The following SUGCT variants were observed in gnomAD, a reference collection of about 807,000 sequenced individuals.
The protein encoded by SUGCT is succinyl-CoA:glutarate CoA-transferase.
Under a neutral mutation model 55.0 loss-of-function variants are expected in SUGCT, and 41 were observed. The observed-to-expected ratio is 0.74, with a 90% CI of 0.58 to 0.97. The LOEUF is 0.97. SUGCT is among the 50% of genes least tolerant of loss of function. SUGCT has a pLI of 0.00. For synonymous variants in SUGCT, 187 were observed against 200.4 expected, an observed-to-expected ratio of 0.93 and a Z score of 0.56; for missense variants, 568 against 547.8, an observed-to-expected ratio of 1.04 and a Z score of -0.37.
At chr7:40,757,843 G>A (rs766948857) in intron 13 of SUGCT, among the ~76,000 whole-genome samples, 7 of 152,156 alleles carry the variant, frequency 4.6e-5, no homozygotes, top group Non-Finnish European at 1.0e-4. Flanking sequence ...ATCAGTTCTT[G>A]ATTGCGTTCC....
chr7:40,625,342 T>C (rs1799476934), intron 12 of SUGCT, among the ~76,000 whole-genome samples: 1 of 152,152 alleles, frequency 6.6e-6, no homozygotes, highest in South Asian at 2.1e-4. Context: ...TGAAGGTTTA[T>C]ATCCCAGCAA....
chr7:40,194,860 A>C, intron 5 of SUGCT, 80 bp from the exon 6 acceptor site: 2 of 1,464,148 alleles, frequency 1.4e-6, no homozygotes, highest in Non-Finnish European at 1.8e-6. Flanking sequence ...CAAAGGGAGA[A>C]TCAATTGTGT....
intron 13 of SUGCT, among the ~76,000 whole-genome samples, chr7:40,824,658 T>C (rs531465466): frequency 6.6e-6 from 1 of 152,234 alleles, no homozygotes; most frequent in Non-Finnish European, 1.5e-5. Flanking sequence ...GAGTAATATA[T>C]AATAAACAGA....
chr7:41,022,870 C>CATAAAT, the SUGCT span, among the ~76,000 whole-genome samples: 1 of 152,102 alleles, frequency 6.6e-6, no homozygotes, highest in Admixed American at 6.5e-5. Flanking sequence ...CAGTATTTGT[C>CATAAAT]ATAAATATAA....
chr7:40,767,677 G>A (rs1029074204), intron 13 of SUGCT, among the ~76,000 whole-genome samples: 1 of 152,196 alleles, frequency 6.6e-6, no homozygotes, highest in Non-Finnish European at 1.5e-5. Context: ...AAGGTGCCCT[G>A]ATAGGCAGTG....
intron 12 of SUGCT, among the ~76,000 whole-genome samples, chr7:40,680,789 A>G (rs1362596447): frequency 2.0e-5 from 3 of 152,194 alleles, no homozygotes; most frequent in Non-Finnish European, 2.9e-5. Context: ...TGTGTGGCCA[A>G]TGTAGTCATG....
chr7:40,999,059 A>G, the SUGCT span, among the ~76,000 whole-genome samples: 3 of 152,218 alleles, frequency 2.0e-5, no homozygotes, highest in South Asian at 6.2e-4. Flanking sequence ...GCAGTGTGGC[A>G]CAACAGAGAC....
chr7:40,952,282 C>T, the SUGCT span, among the ~76,000 whole-genome samples: 70 of 151,904 alleles, frequency 4.6e-4, no homozygotes, highest in Non-Finnish European at 8.5e-4. Context: ...CAACCCCTGC[C>T]GTTTTTTATT....
At chr7:40,898,168 G>A in the SUGCT span, among the ~76,000 whole-genome samples, 2 of 152,212 alleles carry the variant, frequency 1.3e-5, no homozygotes, top group African/African-American at 4.8e-5. Flanking sequence ...ATGAACTTAA[G>A]TCGGGAGGAC....
intron 6 of SUGCT, among the ~76,000 whole-genome samples, chr7:40,217,872 T>A (rs1185354915): frequency 4.6e-5 from 7 of 152,094 alleles, no homozygotes; most frequent in Admixed American, 4.6e-4. Context: ...CTTGAATTGG[T>A]CATCCATGGT....
intron 9 of SUGCT, among the ~76,000 whole-genome samples, chr7:40,420,463 C>T (rs1432412384): frequency 9.9e-5 from 15 of 152,098 alleles, no homozygotes; most frequent in African/African-American, 2.9e-4. Flanking sequence ...TTCAGCCTCC[C>T]GAGTAGCTGG....
intron 12 of SUGCT, among the ~76,000 whole-genome samples, chr7:40,612,567 T>G (rs1485829613): frequency 6.6e-6 from 1 of 152,182 alleles, no homozygotes; most frequent in African/African-American, 2.4e-5. Context: ...GGAGTCAGCC[T>G]TCCTAGATTG....
At chr7:40,925,822 GAT>G in the SUGCT span, among the ~76,000 whole-genome samples, 1 of 152,186 alleles carries the variant, frequency 6.6e-6, no homozygotes, top group South Asian at 2.1e-4. Flanking sequence ...TGCCAGTCAT[GAT>G]GGCTCATGCC....
chr7:40,776,545 TA>T (rs961284209), intron 13 of SUGCT, among the ~76,000 whole-genome samples: 4 of 152,222 alleles, frequency 2.6e-5, no homozygotes, highest in Non-Finnish European at 5.9e-5. Flanking sequence ...AGTTATTAAT[TA>T]GTTGCTCTTA....
At chr7:40,487,263 T>G (rs1305148215) in intron 11 of SUGCT, among the ~76,000 whole-genome samples, 12 of 137,140 alleles carry the variant, frequency 8.8e-5, no homozygotes, top group African/African-American at 3.4e-4. Context: ...TTTTTTTTTT[T>G]TTTTTTTTTT....
intron 8 of SUGCT, among the ~76,000 whole-genome samples, chr7:40,290,351 A>G (rs2151046247): frequency 6.6e-6 from 1 of 152,294 alleles, no homozygotes; most frequent in East Asian, 1.9e-4. Context: ...AAATAATGCC[A>G]CATATCTACA....
At chr7:40,848,111 G>T (rs1453456143) in intron 13 of SUGCT, among the ~76,000 whole-genome samples, 8 of 152,136 alleles carry the variant, frequency 5.3e-5, no homozygotes, top group African/African-American at 1.7e-4. Context: ...CCACACCGAT[G>T]GTGTAGATTA....
the SUGCT span, among the ~76,000 whole-genome samples, chr7:40,950,020 T>G: frequency 6.6e-6 from 1 of 152,134 alleles, no homozygotes; most frequent in Non-Finnish European, 1.5e-5. Flanking sequence ...GATAGGGATG[T>G]CATTGAATCT....
the SUGCT span, among the ~76,000 whole-genome samples, chr7:40,987,507 T>C: frequency 1.3e-5 from 2 of 152,200 alleles, no homozygotes; most frequent in South Asian, 2.1e-4. Context: ...TGGAGAATCA[T>C]TGTGTTAAAT....
Sources: allele counts gnomAD v4.1 joint callset (sites outside exome capture counted in the v4.1 genomes callset), GRCh38; gene constraint gnomAD v4.1.1; transcripts MANE v1.5; gene names NCBI Gene and HGNC (gene_info 2026-07-23, HGNC 2026-07-21).